Variants in MAT1A observed in about 807,000 individuals in gnomAD.
MAT1A encodes the protein S-adenosylmethionine synthase isoform type-1.
In MAT1A, 19 loss-of-function variants were observed where a neutral mutation model predicts 44.0. The ratio of observed to expected loss-of-function variants is 0.43; its 90% CI spans 0.30 to 0.63. The LOEUF (loss-of-function observed/expected upper bound fraction) is 0.63. MAT1A is among the 30% of genes least tolerant of loss of function. MAT1A has a pLI of 0.12. For missense variants in MAT1A, 397 were observed against 531.0 expected (o/e 0.75, Z 2.48); for synonymous variants, 205 against 205.6 (o/e 1.00, Z 0.03).
intron 5 of MAT1A, among the ~76,000 whole-genome samples, chr10:80,279,262 C>T (rs571926301): frequency 1.9e-4 from 29 of 152,076 alleles, no homozygotes; most frequent in African/African-American, 6.3e-4. Context: ...TGAGCTGGAG[C>T]GAGAGGGGTG....
chr10:80,276,954 T>C (rs1020894182), intron 5 of MAT1A, among the ~76,000 whole-genome samples: 3 of 152,158 alleles, frequency 2.0e-5, no homozygotes, highest in Non-Finnish European at 4.4e-5. Flanking sequence ...TGACCCTCTA[T>C]AGCCCAGGAG....
chr10:80,274,637 C>T lies in MAT1A; in HGVS notation c.968G>A (p.Gly323Asp), dbSNP rs775897759. Residue 323 changes from glycine to aspartate, a missense_variant, in exon 8 of 9, where the codon GGT (glycine) becomes GAT (aspartate). Coordinates refer to ENST00000372213, the MANE Select transcript of MAT1A (RefSeq NM_000429.3). Reference protein sequence around the residue: ...RVLVQVSYAIGVAEPLSISIF... With the variant: ...RVLVQVSYAIDVAEPLSISIF... ...GGAAATGGACAGCGGCTCGGCCACA[C>T]CAATGGCATAGGAAACCTTCCAGCA... 6.2e-7 allele frequency: 1 copy of T among 1,614,042 alleles called. No homozygotes were observed.
rs1841440276 is a variant in MAT1A at position 80,273,671 on chromosome 10, G to T, written c.*110C>A. The T allele has an allele frequency of 2.4e-6, 2 of 824,090 alleles. No homozygotes were observed. The highest frequency in any genetic ancestry group is 2.7e-5 in the South Asian group (2 of 74,678). The allele number at this position is 824,090 out of a possible 1,614,324, so 51.0% of individuals were successfully genotyped here. A position where few individuals can be genotyped will look rare whatever the true frequency, so the allele number is the denominator to read the frequency against. On this transcript the variant is annotated 3_prime_UTR_variant, in exon 9 of 9. Coordinates refer to ENST00000372213, the MANE Select transcript of MAT1A (RefSeq NM_000429.3). The stretch of plus-strand genomic sequence containing the variant: ...GGCTAAATGAGAGGGACCTGGCTTT[G>T]CCCTGAGGGTTGGTGGGTGGGGAAG...
Position 80,280,743 on chromosome 10 carries a change from G to A in MAT1A, c.342C>T (p.Ser114=). The A allele has an allele frequency of 6.2e-7, 1 of 1,614,162 alleles. No homozygotes were observed. The highest frequency in any genetic ancestry group is 1.3e-5 in the African/African-American group (1 of 75,024). The change falls in exon 4 of 9, where the codon TCC becomes TCT. Residue 114 remains serine (S), a synonymous_variant. Coordinates refer to ENST00000372213, the MANE Select transcript of MAT1A (RefSeq NM_000429.3). ...CNVLVALEQQ[S]PDIAQCVHLD... ...GATGGACGCACTGGGCAATATCTGG[G>A]GATTGCTGCTCCAAAGCCACCAGCA...
intron 3 of MAT1A, among the ~76,000 whole-genome samples, chr10:80,281,311 G>C (rs895795656): frequency 2.6e-5 from 4 of 152,068 alleles, no homozygotes; most frequent in Non-Finnish European, 5.9e-5. Context: ...TATCCAGACA[G>C]ACTCCCCAAG....
chr10:80,274,656 T>G lies in MAT1A; in HGVS notation c.952-3A>C, dbSNP rs112274298. On this transcript the variant is annotated splice_polypyrimidine_tract_variant and splice_region_variant and intron_variant, in intron 7 of 8. Coordinates refer to ENST00000372213, the MANE Select transcript of MAT1A (RefSeq NM_000429.3). ...GCCACACCAATGGCATAGGAAACCT[T>G]CCAGCAAGGTGCAGCGTCAGGGATT... 1 of 1,614,142 alleles carries G rather than the reference T, an allele frequency of 6.2e-7. No homozygotes were observed. Among genetic ancestry groups the G allele is most frequent in the Non-Finnish European group, 8.5e-7 (1 of 1,180,024 alleles).
At chr10:80,288,276 A>G (rs1841675488) in intron 1 of MAT1A, among the ~76,000 whole-genome samples, 1 of 152,236 alleles carries the variant, frequency 6.6e-6, no homozygotes, top group Non-Finnish European at 1.5e-5. Flanking sequence ...CTCCAAGAGC[A>G]GTGGTTCTCA....
At chr10:80,284,305 A>G (rs1398252301) in intron 2 of MAT1A, among the ~76,000 whole-genome samples, 1 of 152,174 alleles carries the variant, frequency 6.6e-6, no homozygotes, top group Admixed American at 6.5e-5. Context: ...CTGTTCCCTC[A>G]TCTATTTAAT....
At chr10:80,274,786 C>T (rs775202025) in intron 7 of MAT1A, 133 bp from the exon 8 acceptor site, 25 of 1,330,686 alleles carry the variant, frequency 1.9e-5, no homozygotes, top group Non-Finnish European at 2.5e-5. Context: ...CTGCAATTTT[C>T]CTGCTATCTT....
intron 5 of MAT1A, among the ~76,000 whole-genome samples, chr10:80,279,290 G>C (rs1217132476): frequency 2.0e-5 from 3 of 152,136 alleles, no homozygotes; most frequent in African/African-American, 7.2e-5. Flanking sequence ...GGGTAAACTG[G>C]GGACATGGGT....
chr10:80,272,557 T>G lies in MAT1A; in HGVS notation c.*1224A>C, dbSNP rs1249358149. On this transcript the variant is annotated 3_prime_UTR_variant, in exon 9 of 9. Transcript: ENST00000372213. ...GCCTCCCTGGATCCGAAAGGGCCAC[T>G]CACTCCCTCCAAATGCACTCAGCCT... 3 of 152,292 alleles carry G rather than the reference T, an allele frequency of 2.0e-5. No individual in the cohort carries two copies. The highest frequency in any genetic ancestry group is 4.4e-5 in the Non-Finnish European group (3 of 68,150). 9.4% of individuals were successfully genotyped at this position (152,292 alleles called of 1,614,324 possible).
Position 80,285,606 on chromosome 10 carries a change from A to G in MAT1A, c.92-17T>C. 6.5e-7 allele frequency: 1 copy of G among 1,533,488 alleles called. No homozygotes were observed. Among genetic ancestry groups the G allele is most frequent in the Non-Finnish European group, 9.0e-7 (1 of 1,106,558 alleles). 95.0% of individuals were successfully genotyped at this position (1,533,488 alleles called of 1,614,324 possible). A position where few individuals can be genotyped will look rare whatever the true frequency, so the allele number is the denominator to read the frequency against. ...AGATCTTATCTGGACAAGAGCAAAT[A>G]TGGGTCAGAATCACAAAAATATTCG... On this transcript the variant is annotated splice_polypyrimidine_tract_variant and intron_variant, in intron 1 of 8. Coordinates refer to ENST00000372213, the MANE Select transcript of MAT1A (RefSeq NM_000429.3).
chr10:80,280,092 A>G (rs1841543106), intron 5 of MAT1A, 81 bp downstream of exon 5: 1 of 1,513,672 alleles, frequency 6.6e-7, no homozygotes, highest in Non-Finnish European at 9.1e-7. Context: ...GATCTTAAAA[A>G]TGACACAATC....
chr10:80,283,206 G>A (rs78998845), intron 3 of MAT1A, among the ~76,000 whole-genome samples: 3,037 of 152,286 alleles, frequency 0.02, 122 homozygotes, highest in African/African-American at 0.069. Flanking sequence ...CAGGCCCTCC[G>A]CACCTGGTGT....
chr10:80,285,171 G>A (rs1362644953), intron 2 of MAT1A, among the ~76,000 whole-genome samples: 2 of 152,254 alleles, frequency 1.3e-5, no homozygotes, highest in East Asian at 1.9e-4. Flanking sequence ...CTTGCATCCC[G>A]TCTGGAAGAT....
intron 3 of MAT1A, among the ~76,000 whole-genome samples, chr10:80,283,345 A>G (rs933025968): frequency 3.9e-5 from 6 of 152,184 alleles, no homozygotes; most frequent in African/African-American, 1.2e-4. Context: ...GCCCCACACT[A>G]TGTAGCACTG....
In MAT1A at chr10:80,281,782, G is replaced by T. The variant is rs530167136; in HGVS notation, c.293-990C>A. 4.4e-4 allele frequency among the ~76,000 whole-genome samples: 67 copies of T among 152,334 alleles called. 1 individual carries two copies. The Middle Eastern group carries it at 0.031, about 70-fold the overall frequency. ...CAAGGAATAAAACTGAAGCTTTTCA[G>T]TCTGACACAGCCCTTGCTCCTGGGA... On this transcript the variant is annotated intron_variant, in intron 3 of 8. Transcript: ENST00000372213.
chr10:80,287,579 C>T (rs1032080020), intron 1 of MAT1A, among the ~76,000 whole-genome samples: 2 of 152,186 alleles, frequency 1.3e-5, no homozygotes, highest in Non-Finnish European at 2.9e-5. Flanking sequence ...GTCCTCTGAG[C>T]ACATTGCTGC....
intron 1 of MAT1A, among the ~76,000 whole-genome samples, chr10:80,288,119 A>G (rs1469580587): frequency 6.6e-6 from 1 of 152,250 alleles, no homozygotes; most frequent in African/African-American, 2.4e-5. Context: ...AAGCCAAGTT[A>G]CAAGGTAGGA....
Sources: gnomAD v4.1 joint callset for allele counts (sites outside exome capture counted in the v4.1 genomes callset) on GRCh38, gnomAD v4.1.1 for gene constraint, MANE v1.5 for transcripts, NCBI Gene and HGNC (gene_info 2026-07-23, HGNC 2026-07-21) for gene names.